PLSCR4: variants seen among roughly 807,000 people sequenced by gnomAD.
The protein encoded by PLSCR4 is Ca(2+)-dependent phospholipid scramblase 4.
Under a neutral mutation model 36.3 loss-of-function variants are expected in PLSCR4, and 25 were observed. The ratio of observed to expected loss-of-function variants is 0.69; its 90% CI spans 0.50 to 0.96. The LOEUF (loss-of-function observed/expected upper bound fraction) is 0.96, where lower values mean the gene tolerates loss of function less well. Among genes scored for constraint, PLSCR4 ranks in the 40% least tolerant of loss-of-function variants. PLSCR4 has a pLI of 0.00. For missense variants in PLSCR4, 408 were observed against 414.7 expected (o/e 0.98, Z 0.14); for synonymous variants, 122 against 132.9 (o/e 0.92, Z 0.56).
At chr3:146,229,349 C>T (rs1444311164) in intron 1 of PLSCR4, among the ~76,000 whole-genome samples, 1 of 151,938 alleles carries the variant, frequency 6.6e-6, no homozygotes, top group East Asian at 1.9e-4. Flanking sequence ...GGGTGGGGGC[C>T]TTGAGACTGA....
rs947739908 is a variant in PLSCR4, at chr3:146,192,879, A to C, written c.*1532T>G. 2 of 152,138 alleles carry C rather than the reference A, an allele frequency of 1.3e-5. No individual in the cohort carries two copies. Among genetic ancestry groups the C allele is most frequent in the African/African-American group, 4.8e-5 (2 of 41,448 alleles). The allele number at this position is 152,138 out of a possible 1,614,324, so 9.4% of individuals were successfully genotyped here. A position where few individuals can be genotyped will look rare whatever the true frequency, so the allele number is the denominator to read the frequency against. On this transcript the variant is annotated 3_prime_UTR_variant, in exon 9 of 9. Transcript: ENST00000354952. Reference sequence around the variant, plus strand: ...AGCATTACGAGAAACTCAGAAAAACAAATTTACCCTGAAAAGATGAATATA... The same window carrying C: ...AGCATTACGAGAAACTCAGAAAAACCAATTTACCCTGAAAAGATGAATATA...
rs1164121303 is a variant in PLSCR4, at chr3:146,193,393, A to G, written c.*1018T>C. On this transcript the variant is annotated 3_prime_UTR_variant, in exon 9 of 9. Transcript: ENST00000354952. The stretch of plus-strand genomic sequence containing the variant: ...GTCATATTTCCAAATTTAAAAACAT[A>G]ACTCCAGTTCTTACCATGAGAACAG... 1 of 152,188 alleles carries G rather than the reference A, an allele frequency of 6.6e-6. No individual in the cohort carries two copies. Among genetic ancestry groups the G allele is most frequent in the African/African-American group, 2.4e-5 (1 of 41,434 alleles). The allele number at this position is 152,188 out of a possible 1,614,324, so 9.4% of individuals were successfully genotyped here. A position where few individuals can be genotyped will look rare whatever the true frequency, so the allele number is the denominator to read the frequency against.
At chr3:146,239,687 C>T (rs927485312) in intron 1 of PLSCR4, among the ~76,000 whole-genome samples, 1 of 151,946 alleles carries the variant, frequency 6.6e-6, no homozygotes, top group Admixed American at 6.5e-5. Flanking sequence ...AGTTCGAGAC[C>T]AGCCTGACCA....
chr3:146,203,603 C>CA (rs1277937435), intron 4 of PLSCR4, among the ~76,000 whole-genome samples: 1 of 152,024 alleles, frequency 6.6e-6, no homozygotes, highest in East Asian at 1.9e-4. Flanking sequence ...CTTCACCTTG[C>CA]ACTTCTATGT....
At chr3:146,249,851 C>T (rs2036480204) in intron 1 of PLSCR4, among the ~76,000 whole-genome samples, 1 of 151,952 alleles carries the variant, frequency 6.6e-6, no homozygotes, top group African/African-American at 2.4e-5. Flanking sequence ...TTTATATCTT[C>T]TTAAAAATAA....
chr3:146,231,893 C>A (rs752389390), intron 1 of PLSCR4, among the ~76,000 whole-genome samples: 2 of 152,110 alleles, frequency 1.3e-5, no homozygotes, highest in African/African-American at 4.8e-5. Flanking sequence ...GTTTTAGTTG[C>A]AATTGCTTTT....
chr3:146,198,334 A>G (rs1339189760), intron 6 of PLSCR4, among the ~76,000 whole-genome samples: 1 of 152,144 alleles, frequency 6.6e-6, no homozygotes, highest in East Asian at 1.9e-4. Context: ...AATACAAGTA[A>G]AACTGGAGAA....
intron 1 of PLSCR4, among the ~76,000 whole-genome samples, chr3:146,229,621 A>G (rs1576485501): frequency 1.6e-5 from 2 of 123,168 alleles, no homozygotes; most frequent in African/African-American, 6.5e-5. Flanking sequence ...TTATTTATTT[A>G]TTTATTTATT....
chr3:146,219,525 T>C (rs921306523), intron 3 of PLSCR4, among the ~76,000 whole-genome samples: 21 of 152,112 alleles, frequency 1.4e-4, no homozygotes, highest in African/African-American at 4.6e-4. Flanking sequence ...ATAACACACA[T>C]ACACATTAGG....
intron 3 of PLSCR4, among the ~76,000 whole-genome samples, chr3:146,219,138 A>G (rs2108284688): frequency 6.6e-6 from 1 of 152,356 alleles, no homozygotes; most frequent in African/African-American, 2.4e-5. Flanking sequence ...CTGAAAATTC[A>G]TTAGTTGTGT....
chr3:146,194,717 A>C (rs2033619143), intron 8 of PLSCR4, among the ~76,000 whole-genome samples: 1 of 152,162 alleles, frequency 6.6e-6, no homozygotes, highest in Non-Finnish European at 1.5e-5. Flanking sequence ...GGACAACCCC[A>C]AAGAGTACAG....
chr3:146,234,361 C>G (rs35110814), intron 1 of PLSCR4, among the ~76,000 whole-genome samples: 5,521 of 152,206 alleles, frequency 0.036, 154 homozygotes, highest in South Asian at 0.073. Flanking sequence ...GGAAAATTCA[C>G]AGTTTTTAAA....
intron 3 of PLSCR4, among the ~76,000 whole-genome samples, chr3:146,220,103 T>C (rs930375519): frequency 6.6e-6 from 1 of 152,202 alleles, no homozygotes; most frequent in Non-Finnish European, 1.5e-5. Flanking sequence ...ATGTAAGTCA[T>C]TAAAATGTGT....
At chr3:146,230,551 A>G (rs974851311) in intron 1 of PLSCR4, among the ~76,000 whole-genome samples, 1 of 152,240 alleles carries the variant, frequency 6.6e-6, no homozygotes, top group Non-Finnish European at 1.5e-5. Flanking sequence ...ATGGCCCAAC[A>G]AAGTCACTGG....
chr3:146,214,358 C>CAG (rs1422220056), intron 3 of PLSCR4, among the ~76,000 whole-genome samples: 2 of 10,420 alleles, frequency 1.9e-4, no homozygotes, highest in Admixed American at 8.5e-4. Flanking sequence ...CTCCTGACCT[C>CAG]GTGATCCGCC....
intron 1 of PLSCR4, among the ~76,000 whole-genome samples, chr3:146,237,815 TAAAAC>T (rs1209313798): frequency 6.6e-6 from 1 of 151,030 alleles, no homozygotes; most frequent in African/African-American, 2.4e-5. Context: ...AAGAGCAAAT[TAAAAC>T]CAAAGCAAGA....
chr3:146,199,116 A>G (rs1209128153), intron 6 of PLSCR4, among the ~76,000 whole-genome samples: 1 of 152,168 alleles, frequency 6.6e-6, no homozygotes, highest in African/African-American at 2.4e-5. Context: ...CAGTAATCCT[A>G]TGATGTATTA....
At chr3:146,212,203 A>G (rs2034660795) in intron 3 of PLSCR4, among the ~76,000 whole-genome samples, 1 of 151,928 alleles carries the variant, frequency 6.6e-6, no homozygotes, top group African/African-American at 2.4e-5. Context: ...ATTTCTTTCA[A>G]CGTTTTATAG....
chr3:146,230,890 G>C (rs922654114), intron 1 of PLSCR4, among the ~76,000 whole-genome samples: 1 of 152,050 alleles, frequency 6.6e-6, no homozygotes, highest in Non-Finnish European at 1.5e-5. Context: ...TTTAGGTTCA[G>C]GGTGAACAAG....
Sources: gnomAD v4.1 joint callset for allele counts (sites outside exome capture counted in the v4.1 genomes callset) on GRCh38, gnomAD v4.1.1 for gene constraint, MANE v1.5 for transcripts, NCBI Gene and HGNC (gene_info 2026-07-23, HGNC 2026-07-21) for gene names.